The following NECAB2 variants were observed in gnomAD, a reference collection of about 807,000 sequenced individuals.
NECAB2 encodes N-terminal EF-hand calcium-binding protein 2.
NECAB2 carries 68 observed loss-of-function variants against 51.9 expected under a neutral mutation model. That is an observed-to-expected ratio of 1.31 (90% CI 1.08 to 1.60). NECAB2 has a LOEUF of 1.60. Ranked by LOEUF, NECAB2 falls within the 40% of genes most tolerant of loss-of-function variation. The pLI is 0.00. For synonymous variants in NECAB2, 329 were observed against 203.5 expected, an observed-to-expected ratio of 1.62 and a Z score of -5.25; for missense variants, 854 against 490.3, an observed-to-expected ratio of 1.74 and a Z score of -7.00.
At chr16:83,977,005 C>T (rs540406093) in intron 2 of NECAB2, among the ~76,000 whole-genome samples, 14 of 152,230 alleles carry the variant, frequency 9.2e-5, no homozygotes, top group Non-Finnish European at 1.6e-4. Context: ...GGCACCCACC[C>T]GAGGAAATGG....
At chr16:83,965,289 C>A, upstream of NECAB2, 1 of 1,601,882 alleles carries the variant, frequency 6.2e-7, no homozygotes, top group Non-Finnish European at 8.5e-7. Context: ...TCGCTGTGGG[C>A]CCGCAACGTG....
At chr16:83,966,641 T>C (rs2084283760), upstream of NECAB2, among the ~76,000 whole-genome samples, 1 of 152,168 alleles carries the variant, frequency 6.6e-6, no homozygotes, top group African/African-American at 2.4e-5. Flanking sequence ...TGTTCTGCCA[T>C]GCGGCCTCCT....
intron 10 of NECAB2, among the ~76,000 whole-genome samples, chr16:83,999,693 C>A (rs77902122): frequency 0.051 from 7,704 of 152,052 alleles, 621 homozygotes; most frequent in African/African-American, 0.18. Flanking sequence ...GACGTGAGTG[C>A]GGGCCCCTGG....
At chr16:83,994,201 G>T in intron 6 of NECAB2, 101 bp from the exon 7 acceptor site, 3 of 1,038,256 alleles carry the variant, frequency 2.9e-6, no homozygotes, top group East Asian at 2.4e-5. Context: ...GCATGTGTGA[G>T]TCCACTGTCT....
Position 83,992,987 on chromosome 16 carries a change from C to T in NECAB2, c.597-1315C>T, listed in dbSNP as rs540094081. 7.9e-5 allele frequency among the ~76,000 whole-genome samples: 12 copies of T among 152,340 alleles called. No individual in the cohort carries two copies. The East Asian group carries it at 2.1e-3, about 27-fold the overall frequency. On this transcript the variant is annotated intron_variant, in intron 6 of 12. Coordinates refer to ENST00000305202, the MANE Select transcript of NECAB2 (RefSeq NM_019065.3). ...CAGACTTCCCACACTGGGTCAGCTC[C>T]ATCACGCGTCAGCAGTTACACCCAC...
intron 1 of NECAB2, among the ~76,000 whole-genome samples, chr16:83,971,053 C>T (rs944566867): frequency 6.6e-6 from 1 of 151,668 alleles, no homozygotes; most frequent in African/African-American, 2.4e-5. Context: ...AAGATCGCGC[C>T]ACTGCACTCC....
rs1415504809 is a variant in NECAB2, at chr16:83,983,332, C to T, written c.459+2205C>T. Among the ~76,000 whole-genome samples, 2 of 152,134 alleles carry T rather than the reference C, an allele frequency of 1.3e-5. 1 individual carries two copies. On this transcript the variant is annotated intron_variant, in intron 5 of 12. Coordinates refer to ENST00000305202, the MANE Select transcript of NECAB2 (RefSeq NM_019065.3). ...ATTCTAACACGTGCCCCTCTTGCTT[C>T]CCTGTCTATCCTGTGGCATTTCTCT...
chr16:84,000,031 G>T (rs890903952), intron 10 of NECAB2, among the ~76,000 whole-genome samples: 3 of 151,144 alleles, frequency 2.0e-5, no homozygotes, highest in Middle Eastern at 6.8e-3. Context: ...GGATTACAGG[G>T]ATGTGCCACC....
chr16:83,969,651 G>T (rs1395899561), intron 1 of NECAB2, among the ~76,000 whole-genome samples: 1 of 152,064 alleles, frequency 6.6e-6, no homozygotes, highest in Non-Finnish European at 1.5e-5. Flanking sequence ...CACCCGGGAG[G>T]GAGGAATCTT....
At chr16:83,980,961 G>C in intron 4 of NECAB2, 69 bp from the exon 5 acceptor site, 5 of 1,603,108 alleles carry the variant, frequency 3.1e-6, no homozygotes, top group Non-Finnish European at 4.3e-6. Flanking sequence ...AGCGCAGGTG[G>C]GAGGTGCAGG....
chr16:83,994,266 C>T (rs200977443), intron 6 of NECAB2, 36 bp from the exon 7 acceptor site: 55 of 1,600,966 alleles, frequency 3.4e-5, no homozygotes, highest in South Asian at 2.0e-4. Flanking sequence ...CTGAAGCCAC[C>T]GCCATGGTCT....
At chr16:83,972,199 G>A (rs746950228) in intron 2 of NECAB2, 24 bp downstream of exon 2, 30 of 1,613,388 alleles carry the variant, frequency 1.9e-5, no homozygotes, top group African/African-American at 8.0e-5. Context: ...CCAGGCCGAC[G>A]GCCGCCCCAC....
At chr16:83,981,183 AC>A in intron 5 of NECAB2, 56 bp downstream of exon 5, 2 of 1,348,908 alleles carry the variant, frequency 1.5e-6, no homozygotes, top group Admixed American at 3.8e-5. Flanking sequence ...CTTCAGTTCC[AC>A]CCTTGCCTAA....
intron 2 of NECAB2, among the ~76,000 whole-genome samples, chr16:83,978,166 C>T (rs540296934): frequency 1.4e-4 from 22 of 152,222 alleles, no homozygotes; most frequent in African/African-American, 4.8e-4. Context: ...TGAGGATTAT[C>T]TGTAAACAGG....
chr16:83,994,367 C>T lies in NECAB2; in HGVS notation c.662C>T (p.Ser221Phe), dbSNP rs767713970. ...QTWCGSPTPA[S>F]APNHKLMAME... ...TGGTGTGGAAGCCCCACTCCCGCCTCTGCCCCCAACCACAAGCTCATGGCT... is the reference window on the plus strand; with the variant it reads ...TGGTGTGGAAGCCCCACTCCCGCCTTTGCCCCCAACCACAAGCTCATGGCT... The change falls in exon 7 of 13, where the codon TCT (serine) becomes TTT (phenylalanine). Residue 221 changes from serine to phenylalanine, a missense_variant. Transcript: ENST00000305202. The T allele has an allele frequency of 6.2e-7, 1 of 1,614,112 alleles. No individual in the cohort carries two copies. Among genetic ancestry groups the T allele is most frequent in the East Asian group, 2.2e-5 (1 of 44,898 alleles).
At position 83,968,576 on chromosome 16, in the gene NECAB2, G is replaced by T; in HGVS notation, c.-73G>T. ...GGGCGGCGCGGGCAGCGCGGGGAGG[G>T]GGTCGCGCGGGGGCGGGCCGCAGCT... On this transcript the variant is annotated 5_prime_UTR_variant, in exon 1 of 13. Transcript: ENST00000305202. 1.0e-6 allele frequency: 1 copy of T among 961,692 alleles called. No homozygotes were observed. The allele number at this position is 961,692 out of a possible 1,614,324, so 59.6% of individuals were successfully genotyped here. A position where few individuals can be genotyped will look rare whatever the true frequency, so the allele number is the denominator to read the frequency against.
rs2271299 is a variant in NECAB2 at position 84,001,909 on chromosome 16, G to C, written c.1125G>C (p.Leu375Phe). ...LSQPEALSRI[L>F]VPAAWCTVGR... ...AGCCTGAGGCCCTCTCCAGGATCTT[G>C]GTGCCAGGTAGGGGGCAAAGGCCTG... Residue 375 changes from leucine to phenylalanine, a missense_variant, in exon 12 of 13, where the codon TTG becomes TTC. By Grantham distance (22) the Leu-to-Phe change is conservative (BLOSUM62 0). Transcript: ENST00000305202. 1.2e-6 allele frequency: 2 copies of C among 1,613,924 alleles called. No homozygotes were observed. Among genetic ancestry groups the C allele is most frequent in the Non-Finnish European group, 1.7e-6 (2 of 1,179,868 alleles).
At chr16:84,001,466 A>C (rs1268611601) in intron 11 of NECAB2, among the ~76,000 whole-genome samples, 1 of 152,124 alleles carries the variant, frequency 6.6e-6, no homozygotes, top group Non-Finnish European at 1.5e-5. Context: ...TCCGTACTTC[A>C]GTGACTCATA....
At chr16:83,979,845 G>C (rs1042178621) in intron 3 of NECAB2, among the ~76,000 whole-genome samples, 1 of 152,142 alleles carries the variant, frequency 6.6e-6, no homozygotes, top group Admixed American at 6.5e-5. Context: ...TAAGGTGTGA[G>C]CCACGAACAT....
Sources: allele counts gnomAD v4.1 joint callset (sites outside exome capture counted in the v4.1 genomes callset), GRCh38; gene constraint gnomAD v4.1.1; transcripts MANE v1.5; gene names NCBI Gene and HGNC (gene_info 2026-07-23, HGNC 2026-07-21).